The following ANKRD17 variants were observed in gnomAD, a reference collection of about 807,000 sequenced individuals.
ANKRD17 encodes the protein ankyrin repeat domain 17, also known as ankyrin repeat domain-containing protein 17.
Under a neutral mutation model 229.7 loss-of-function variants are expected in ANKRD17, and 19 were observed. That is an observed-to-expected ratio of 0.08 (90% confidence interval 0.06 to 0.12). The LOEUF (loss-of-function observed/expected upper bound fraction) is 0.12, where lower values mean the gene tolerates loss of function less well. Among genes scored for constraint, ANKRD17 ranks in the 10% least tolerant of loss-of-function variants. ANKRD17 has a pLI of 1.00. For synonymous variants in ANKRD17, 1,112 were observed against 1,146.1 expected (o/e 0.97, Z 0.60); for missense variants, 2,176 against 3,176.8 (o/e 0.68, Z 7.57).
chr4:73,240,644 A>G (rs994385227), intron 1 of ANKRD17, among the ~76,000 whole-genome samples: 1 of 151,988 alleles, frequency 6.6e-6, no homozygotes, highest in Admixed American at 6.6e-5. Context: ...TAGAATTTAA[A>G]AAAACACATA....
At chr4:73,152,346 G>C (rs921982021) in intron 6 of ANKRD17, among the ~76,000 whole-genome samples, 5 of 151,972 alleles carry the variant, frequency 3.3e-5, no homozygotes, top group African/African-American at 4.8e-5. Context: ...TCTTATATTT[G>C]TCAACTACCT....
chr4:73,232,002 C>T (rs1743094474), intron 1 of ANKRD17, among the ~76,000 whole-genome samples: 3 of 152,194 alleles, frequency 2.0e-5, no homozygotes, highest in African/African-American at 7.2e-5. Context: ...ATCTCTTCAG[C>T]TGTATCCTTT....
chr4:73,210,232 A>G (rs190327222), intron 1 of ANKRD17, among the ~76,000 whole-genome samples: 1 of 152,204 alleles, frequency 6.6e-6, no homozygotes, highest in Non-Finnish European at 1.5e-5. Flanking sequence ...CAAATAAAAA[A>G]AACCCTAGTA....
chr4:73,120,096 C>A, intron 21 of ANKRD17, 66 bp downstream of exon 21: 1 of 1,491,592 alleles, frequency 6.7e-7, no homozygotes, highest in Admixed American at 1.7e-5. Context: ...AGTTTAATTG[C>A]CTAGAGAGAA....
At position 73,139,825 on chromosome 4, in the gene ANKRD17, G is replaced by C. The variant is rs1054818093; in HGVS notation, c.2791C>G (p.Gln931Glu). Reference sequence around the variant, plus strand: ...TCTTTAAGTAAAACAGGATCCACTTGCTGTAACCGTGCATAGTCTCCCTCA... The same window carrying C: ...TCTTTAAGTAAAACAGGATCCACTTCCTGTAACCGTGCATAGTCTCCCTCA... ...LSEGDYARLQ[Q>E]VDPVLLKDEP... The change falls in exon 15 of 34, where the codon CAA becomes GAA. Residue 931 changes from glutamine to glutamate, a missense_variant. This residue lies in a region of ANKRD17 where 230 missense variants were observed against 252.3 expected (regional missense o/e 0.91). Transcript: ENST00000358602. 3.1e-6 allele frequency: 5 copies of C among 1,614,110 alleles called. No individual in the cohort carries two copies. The highest frequency in any genetic ancestry group is 4.2e-6 in the Non-Finnish European group (5 of 1,180,044).
rs1374134674 is a variant in ANKRD17 at position 73,077,488 on chromosome 4, T to G, written c.7454A>C (p.His2485Pro). 1.9e-6 allele frequency: 3 copies of G among 1,612,906 alleles called. No homozygotes were observed. Among genetic ancestry groups the G allele is most frequent in the Non-Finnish European group, 2.5e-6 (3 of 1,179,490 alleles). The change falls in exon 32 of 34, where the codon CAC (histidine) becomes CCC (proline). Residue 2485 changes from histidine to proline, a missense_variant. Physicochemically the swap from His to Pro is moderately conservative, Grantham distance 77. Coordinates refer to ENST00000358602, the MANE Select transcript of ANKRD17 (RefSeq NM_032217.5). ...TACTCCTGGGTCAGACATCGGTCTG[T>G]GGATCATAGGATTTCCCATCCCAGG... ...CNPGMGNPMIHRPMSDPGVFS... is the reference protein window; with the variant it reads ...CNPGMGNPMIPRPMSDPGVFS...
At chr4:73,148,228 T>C (rs983833575) in intron 8 of ANKRD17, among the ~76,000 whole-genome samples, 1 of 152,198 alleles carries the variant, frequency 6.6e-6, no homozygotes, top group African/African-American at 2.4e-5. Flanking sequence ...AGACAAAAAC[T>C]TTACTACTGA....
At chr4:73,084,317 G>A (rs1721882164) in intron 30 of ANKRD17, among the ~76,000 whole-genome samples, 1 of 152,076 alleles carries the variant, frequency 6.6e-6, no homozygotes, top group African/African-American at 2.4e-5. Flanking sequence ...ACTACAGCCT[G>A]GGTGACAGAG....
intron 2 of ANKRD17, among the ~76,000 whole-genome samples, chr4:73,176,374 T>C (rs773422093): frequency 1.1e-4 from 17 of 151,956 alleles, no homozygotes; most frequent in Non-Finnish European, 2.1e-4. Context: ...AATACAACCA[T>C]ATGGAGAACA....
At chr4:73,180,627 CTA>C (rs1735423708) in intron 1 of ANKRD17, among the ~76,000 whole-genome samples, 1 of 152,082 alleles carries the variant, frequency 6.6e-6, no homozygotes, top group African/African-American at 2.4e-5. Context: ...ATTCAAATGA[CTA>C]TGAAATTCTT....
intron 1 of ANKRD17, among the ~76,000 whole-genome samples, chr4:73,222,754 T>TATTCCCTAA (rs1226083694): frequency 2.6e-5 from 4 of 152,204 alleles, no homozygotes; most frequent in Admixed American, 6.5e-5. Flanking sequence ...CTACAATTTA[T>TATTCCCTAA]GAAACATGAA....
At chr4:73,185,930 C>T (rs1243155294) in intron 1 of ANKRD17, among the ~76,000 whole-genome samples, 1 of 151,900 alleles carries the variant, frequency 6.6e-6, no homozygotes, top group Non-Finnish European at 1.5e-5. Context: ...AGTTTATGAT[C>T]ATTTTATGAC....
chr4:73,159,940 A>G, intron 3 of ANKRD17, among the ~76,000 whole-genome samples: 1 of 151,502 alleles, frequency 6.6e-6, no homozygotes, highest in East Asian at 1.9e-4. Flanking sequence ...CCTTGTTAAT[A>G]CTATCTAACC....
intron 1 of ANKRD17, among the ~76,000 whole-genome samples, chr4:73,232,886 C>A (rs1393327084): frequency 6.6e-6 from 1 of 152,054 alleles, no homozygotes; most frequent in African/African-American, 2.4e-5. Flanking sequence ...CCACGCCCAG[C>A]TAATTTTTGT....
chr4:73,142,458 T>A, intron 12 of ANKRD17, 73 bp from the exon 13 acceptor site: 1 of 1,573,806 alleles, frequency 6.4e-7, no homozygotes, highest in Admixed American at 2.1e-5. Flanking sequence ...CTTAGGAAGA[T>A]AAAGCCAACA....
At chr4:73,097,511 T>C (rs1270432539) in intron 26 of ANKRD17, among the ~76,000 whole-genome samples, 1 of 151,670 alleles carries the variant, frequency 6.6e-6, no homozygotes, top group Non-Finnish European at 1.5e-5. Flanking sequence ...CACAGCTCAC[T>C]GCAGCCTTGA....
intron 1 of ANKRD17, among the ~76,000 whole-genome samples, chr4:73,235,035 A>G (rs1200540152): frequency 6.6e-6 from 1 of 152,148 alleles, no homozygotes; most frequent in Non-Finnish European, 1.5e-5. Context: ...ATCCGATTCC[A>G]TGAACTTTCT....
At chr4:73,245,658 CAT>C (rs1744432816) in intron 1 of ANKRD17, among the ~76,000 whole-genome samples, 1 of 152,126 alleles carries the variant, frequency 6.6e-6, no homozygotes. Context: ...ACATAACAAT[CAT>C]ATATAAATCT....
chr4:73,177,939 T>C (rs1054132090), intron 1 of ANKRD17, among the ~76,000 whole-genome samples: 1 of 152,176 alleles, frequency 6.6e-6, no homozygotes, highest in Non-Finnish European at 1.5e-5. Context: ...CCAAGGACTT[T>C]ATATAAACCC....
Sources: allele counts gnomAD v4.1 joint callset (sites outside exome capture counted in the v4.1 genomes callset), GRCh38; gene constraint gnomAD v4.1.1; regional missense constraint gnomAD v4.1.1; transcripts MANE v1.5; gene names NCBI Gene and HGNC (gene_info 2026-07-23, HGNC 2026-07-21).